MPV17L2: variants seen among roughly 807,000 people sequenced by gnomAD.
MPV17L2 encodes mpv17-like protein 2.
MPV17L2 carries 25 observed loss-of-function variants against 24.2 expected under a neutral mutation model. The ratio of observed to expected loss-of-function variants is 1.03; its 90% confidence interval spans 0.75 to 1.44. The LOEUF (loss-of-function observed/expected upper bound fraction) is 1.44. MPV17L2 is among the 40% of genes most tolerant of loss of function. The probability of loss-of-function intolerance (pLI) is 0.00; values close to 1 mark genes in which losing one functional copy is unlikely to be tolerated. For synonymous variants in MPV17L2, 130 were observed against 121.4 expected (o/e 1.07, Z -0.46); for missense variants, 271 against 276.2 (o/e 0.98, Z 0.13).
At position 18,196,240 on chromosome 19, in the gene MPV17L2, G is replaced by C. The variant is rs1967518037; in HGVS notation, c.*185G>C. ...TTCTGGGACTGAGTTTCCTCAACCGGAACACACCCATGAAGATGGATGATC... is the reference window on the plus strand; with the variant it reads ...TTCTGGGACTGAGTTTCCTCAACCGCAACACACCCATGAAGATGGATGATC... On this transcript the variant is annotated 3_prime_UTR_variant, in exon 5 of 5. Transcript: ENST00000599612. 1.3e-6 allele frequency: 2 copies of C among 1,526,648 alleles called. No individual in the cohort carries two copies. Among genetic ancestry groups the C allele is most frequent in the African/African-American group, 1.4e-5 (1 of 72,802 alleles). 94.6% of individuals were successfully genotyped at this position (1,526,648 alleles called of 1,614,324 possible).
At position 18,196,524 on chromosome 19, in the gene MPV17L2, G is replaced by A; in HGVS notation, c.*469G>A. The A allele has an allele frequency of 1.0e-6, 1 of 997,504 alleles. No homozygotes were observed. Among genetic ancestry groups the A allele is most frequent in the Admixed American group, 2.6e-5 (1 of 38,142 alleles). The allele number at this position is 997,504 out of a possible 1,614,324, so 61.8% of individuals were successfully genotyped here. A position where few individuals can be genotyped will look rare whatever the true frequency, so the allele number is the denominator to read the frequency against. On this transcript the variant is annotated 3_prime_UTR_variant, in exon 5 of 5. Coordinates refer to ENST00000599612, the MANE Select transcript of MPV17L2 (RefSeq NM_032683.3). ...TCACATAGGGCCAGGCAGCCTCTGT[G>A]TTTCTTTCCCTGGTCCTGAACTGTG... is the stretch of plus-strand genomic sequence containing the variant.
At position 18,194,852 on chromosome 19, in the gene MPV17L2, A is replaced by C; in HGVS notation, c.434A>C (p.Lys145Thr). 1.9e-6 allele frequency: 3 copies of C among 1,603,120 alleles called. No homozygotes were observed. The highest frequency in any genetic ancestry group is 2.6e-6 in the Non-Finnish European group (3 of 1,175,804). The change falls in exon 3 of 5, where the codon AAG becomes ACG. Residue 145 changes from lysine to threonine, a missense_variant and splice_region_variant. By Grantham distance (78) the Lys-to-Thr change is moderately conservative. Coordinates refer to ENST00000599612, the MANE Select transcript of MPV17L2 (RefSeq NM_032683.3). Reference protein sequence around the residue: ...ELREKFWEFYKADWCVWPAAQ... With the variant: ...ELREKFWEFYTADWCVWPAAQ... ...CGGGAGAAGTTCTGGGAATTCTACA[A>C]GGTGGGAGCACCCGCCCCTTGCACA...
At chr19:18,193,578 G>A in intron 1 of MPV17L2, 110 bp downstream of exon 1, 3 of 1,409,250 alleles carry the variant, frequency 2.1e-6, no homozygotes, top group Non-Finnish European at 2.8e-6. Context: ...CAGGACCCTT[G>A]CCCTGACCGC....
chr19:18,195,146 C>T, intron 4 of MPV17L2, 60 bp downstream of exon 4: 4 of 1,568,596 alleles, frequency 2.6e-6, no homozygotes, highest in South Asian at 1.2e-5. Context: ...CACGTGTGAG[C>T]TCCAAGTGGC....
chr19:18,195,221 G>T, intron 4 of MPV17L2, 135 bp downstream of exon 4: 1 of 1,413,200 alleles, frequency 7.1e-7, no homozygotes, highest in East Asian at 2.4e-5. Flanking sequence ...ACCCAACAGT[G>T]GGCTGGCGGA....
intron 4 of MPV17L2, among the ~76,000 whole-genome samples, chr19:18,195,579 A>C (rs1336892635): frequency 6.6e-6 from 1 of 150,730 alleles, no homozygotes; most frequent in Non-Finnish European, 1.5e-5. Flanking sequence ...CACGCCTGTA[A>C]TCCCAGCACT....
chr19:18,193,973 C>A lies in MPV17L2; in HGVS notation c.297C>A (p.Leu99=), dbSNP rs771920571. Residue 99 remains leucine (L), a synonymous_variant, in exon 2 of 5, where the codon CTC becomes CTA. Transcript: ENST00000599612. ...GCCTCCGAGGCTTCCCAAATGTCCT[C>A]AAGAAGGTCCTCGTGGATCAGCTGG... The part of the protein sequence containing the change: ...ASGLRGFPNV[L]KKVLVDQLVA... 6.2e-6 allele frequency: 10 copies of A among 1,614,130 alleles called. No homozygotes were observed. The Admixed American group carries it at 8.3e-5, about 13-fold the overall frequency.
At position 18,194,672 on chromosome 19, in the gene MPV17L2, G is replaced by A. The variant is rs938847039; in HGVS notation, c.359-105G>A. On this transcript the variant is annotated intron_variant, in intron 2 of 4. Coordinates refer to ENST00000599612, the MANE Select transcript of MPV17L2 (RefSeq NM_032683.3). ...TCCCTCTGCCCGGGGTGGGCGGCGT[G>A]GGCTCTCAGGGGCCCAACCCCGCCC... 7.2e-6 allele frequency: 7 copies of A among 970,982 alleles called. No homozygotes were observed. The East Asian group carries it at 1.6e-4, about 22-fold the overall frequency. 60.1% of individuals were successfully genotyped at this position (970,982 alleles called of 1,614,324 possible).
At position 18,193,638 on chromosome 19, in the gene MPV17L2, C is replaced by T. The variant is rs932324880; in HGVS notation, c.187+170C>T. On this transcript the variant is annotated intron_variant, in intron 1 of 4. Coordinates refer to ENST00000599612, the MANE Select transcript of MPV17L2 (RefSeq NM_032683.3). ...CCGCAGCTCTGGGTCTCCATCACCT[C>T]CCAACCCCCGGAGGTCTCTGCCCAC... is the stretch of plus-strand genomic sequence containing the variant. The T allele has an allele frequency of 2.8e-6, 4 of 1,419,126 alleles. No homozygotes were observed. The African/African-American group carries it at 5.8e-5, about 21-fold the overall frequency. 87.9% of individuals were successfully genotyped at this position (1,419,126 alleles called of 1,614,324 possible).
In MPV17L2 at chr19:18,196,467, A is replaced by C; in HGVS notation, c.*412A>C. ...GGGACATGACTGATCCCCTCAGAGC[A>C]GGCTCAGGCCTGGAGTCGGCCCCCA... On this transcript the variant is annotated 3_prime_UTR_variant, in exon 5 of 5. Transcript: ENST00000599612. 7.7e-7 allele frequency: 1 copy of C among 1,291,940 alleles called. No homozygotes were observed. Among genetic ancestry groups the C allele is most frequent in the Non-Finnish European group, 1.0e-6 (1 of 990,272 alleles). 80.0% of individuals were successfully genotyped at this position (1,291,940 alleles called of 1,614,324 possible).
In MPV17L2 at chr19:18,196,187, T is replaced by C. The variant is rs767301306; in HGVS notation, c.*132T>C. ...CAGCACCACTTCAGCTCCGGAGCAT[T>C]GGGCTGAGCCGCCCTTTCCAAGCTC... On this transcript the variant is annotated 3_prime_UTR_variant, in exon 5 of 5. Coordinates refer to ENST00000599612, the MANE Select transcript of MPV17L2 (RefSeq NM_032683.3). 7.7e-6 allele frequency: 12 copies of C among 1,552,598 alleles called. No homozygotes were observed. Among genetic ancestry groups the C allele is most frequent in the Middle Eastern group, 3.3e-4 (2 of 5,994 alleles).
At position 18,194,799 on chromosome 19, in the gene MPV17L2, G is replaced by T. The variant is rs1196886799; in HGVS notation, c.381G>T (p.Gln127His). Residue 127 changes from glutamine to histidine, a missense_variant, in exon 3 of 5, where the codon CAG (glutamine) becomes CAT (histidine). By Grantham distance (24) the Gln-to-His change is conservative (BLOSUM62 0). Coordinates refer to ENST00000599612, the MANE Select transcript of MPV17L2 (RefSeq NM_032683.3). ...YFLGLGCLEG[Q>H]TVGESCQELR... Reference sequence around the variant, plus strand: ...CAGGCCTTGGCTGCCTGGAGGGTCAGACAGTGGGTGAGAGCTGCCAGGAGC... The same window carrying T: ...CAGGCCTTGGCTGCCTGGAGGGTCATACAGTGGGTGAGAGCTGCCAGGAGC... 1.4e-5 allele frequency: 22 copies of T among 1,610,500 alleles called. No individual in the cohort carries two copies. Among genetic ancestry groups the T allele is most frequent in the Non-Finnish European group, 1.6e-5 (19 of 1,178,958 alleles).
intron 1 of MPV17L2, 129 bp from the exon 2 acceptor site, chr19:18,193,735 G>C (rs1967463973): frequency 6.7e-7 from 1 of 1,489,920 alleles, no homozygotes. Context: ...GGGCTCTTCC[G>C]GTTTTCCCGG....
chr19:18,196,508 GC>G lies in MPV17L2; in HGVS notation c.*455del. 1 of 1,102,466 alleles carries G rather than the reference GC, an allele frequency of 9.1e-7. No individual in the cohort carries two copies. Among genetic ancestry groups the G allele is most frequent in the Non-Finnish European group, 1.2e-6 (1 of 829,828 alleles). The allele number at this position is 1,102,466 out of a possible 1,614,324, so 68.3% of individuals were successfully genotyped here. On this transcript the variant is annotated 3_prime_UTR_variant, in exon 5 of 5. Transcript: ENST00000599612. ...TCGGCCCCCAAAAGTTTCACATAGGGCCAGGCAGCCTCTGTGTTTCTTTCCC... is the reference window on the plus strand; with the variant it reads ...TCGGCCCCCAAAAGTTTCACATAGGGCAGGCAGCCTCTGTGTTTCTTTCCC...
chr19:18,194,088 G>A, intron 2 of MPV17L2, 54 bp downstream of exon 2: 1 of 1,580,328 alleles, frequency 6.3e-7, no homozygotes, highest in South Asian at 1.1e-5. Context: ...GAGGGGTGGA[G>A]CCAGCTTTGT....
chr19:18,195,138 C>T (rs770463658), intron 4 of MPV17L2, 52 bp downstream of exon 4: 3 of 1,578,426 alleles, frequency 1.9e-6, no homozygotes, highest in Middle Eastern at 1.7e-4. Context: ...GGGGGCTACA[C>T]GTGTGAGCTC....
intron 4 of MPV17L2, among the ~76,000 whole-genome samples, chr19:18,195,345 G>C (rs1213300819): frequency 6.6e-6 from 1 of 150,614 alleles, no homozygotes; most frequent in Non-Finnish European, 1.5e-5. Context: ...TGGAGTTAGA[G>C]AGCAGACTGG....
At chr19:18,194,634 C>A in intron 2 of MPV17L2, 143 bp from the exon 3 acceptor site, 1 of 658,390 alleles carries the variant, frequency 1.5e-6, no homozygotes, top group Non-Finnish European at 2.6e-6. Flanking sequence ...TCCATCCCAT[C>A]TGAAAGTCCC....
In MPV17L2 at chr19:18,193,251, C is replaced by T. The variant is rs758759809; in HGVS notation, c.-31C>T. On this transcript the variant is annotated 5_prime_UTR_variant, in exon 1 of 5. Coordinates refer to ENST00000599612, the MANE Select transcript of MPV17L2 (RefSeq NM_032683.3). ...ACTGGTCGGCGCGGCGAAAGCAGAGCGGCGCGCCGGTTCCTTGGTTCCTGA... is the reference window on the plus strand; with the variant it reads ...ACTGGTCGGCGCGGCGAAAGCAGAGTGGCGCGCCGGTTCCTTGGTTCCTGA... The T allele has an allele frequency of 6.9e-6, 10 of 1,450,710 alleles. No individual in the cohort carries two copies. Among genetic ancestry groups the T allele is most frequent in the Middle Eastern group, 5.0e-4 (2 of 4,010 alleles). The allele number at this position is 1,450,710 out of a possible 1,614,324, so 89.9% of individuals were successfully genotyped here.
Sources: allele counts gnomAD v4.1 joint callset (sites outside exome capture counted in the v4.1 genomes callset), GRCh38; gene constraint gnomAD v4.1.1; transcripts MANE v1.5; gene names NCBI Gene and HGNC (gene_info 2026-07-23, HGNC 2026-07-21).